The following CPNE4 variants were observed in gnomAD, a reference collection of about 807,000 sequenced individuals.
CPNE4 encodes copine 4, also known as copine-4.
In CPNE4, 25 loss-of-function variants were observed where a neutral mutation model predicts 67.9. The ratio of observed to expected loss-of-function variants is 0.37; its 90% CI spans 0.27 to 0.51. The LOEUF is 0.51. Ranked by LOEUF, CPNE4 falls within the 20% of genes least tolerant of loss-of-function variation. The probability of loss-of-function intolerance (pLI) is 0.93; values close to 1 mark genes in which losing one functional copy is unlikely to be tolerated. For synonymous variants in CPNE4, 242 were observed against 244.9 expected (o/e 0.99, Z 0.11); for missense variants, 464 against 690.8 (o/e 0.67, Z 3.68).
chr3:132,014,456 G>A (rs965643340), intron 1 of CPNE4, among the ~76,000 whole-genome samples: 1 of 152,192 alleles, frequency 6.6e-6, no homozygotes, highest in East Asian at 1.9e-4. Flanking sequence ...AGGAGGGAAA[G>A]AAAGAGGCAC....
chr3:131,546,543 C>T (rs1041699579), intron 14 of CPNE4, among the ~76,000 whole-genome samples: 5 of 152,144 alleles, frequency 3.3e-5, no homozygotes, highest in Admixed American at 2.0e-4. Context: ...GGAGAAACCT[C>T]TGGGGAAAAG....
chr3:131,743,068 G>T (rs140476659), intron 2 of CPNE4, among the ~76,000 whole-genome samples: 1 of 152,138 alleles, frequency 6.6e-6, no homozygotes, highest in East Asian at 1.9e-4. Flanking sequence ...TTTAGGAGGT[G>T]GTTCTTTAAT....
At chr3:132,015,361 T>C (rs2073866099) in intron 1 of CPNE4, among the ~76,000 whole-genome samples, 1 of 152,298 alleles carries the variant, frequency 6.6e-6, no homozygotes, top group South Asian at 2.1e-4. Flanking sequence ...CCAGCAGGCA[T>C]ATCTTCCCCC....
intron 1 of CPNE4, among the ~76,000 whole-genome samples, chr3:132,019,603 G>A (rs143346739): frequency 2.0e-4 from 30 of 152,026 alleles, no homozygotes; most frequent in African/African-American, 6.3e-4. Flanking sequence ...AATAATAAAG[G>A]CAACTGATAA....
intron 2 of CPNE4, among the ~76,000 whole-genome samples, chr3:131,780,780 G>A (rs536369135): frequency 1.3e-5 from 2 of 152,102 alleles, no homozygotes; most frequent in East Asian, 3.9e-4. Flanking sequence ...AAACCCCCAT[G>A]ACATGTGATT....
At chr3:131,604,774 A>G (rs1403359715) in intron 7 of CPNE4, among the ~76,000 whole-genome samples, 1 of 151,946 alleles carries the variant, frequency 6.6e-6, no homozygotes. Context: ...CTTTATATAT[A>G]TATATCTAGT....
intron 2 of CPNE4, among the ~76,000 whole-genome samples, chr3:131,793,717 T>C (rs894504753): frequency 7.9e-5 from 12 of 152,220 alleles, no homozygotes; most frequent in African/African-American, 2.9e-4. Context: ...GATTGGCACA[T>C]TGGCTGGCTC....
At chr3:131,986,365 G>A (rs1199487302) in intron 1 of CPNE4, among the ~76,000 whole-genome samples, 1 of 152,118 alleles carries the variant, frequency 6.6e-6, no homozygotes, top group South Asian at 2.1e-4. Flanking sequence ...CACACAATCT[G>A]CCCTCACAAG....
intron 1 of CPNE4, among the ~76,000 whole-genome samples, chr3:131,931,657 G>A (rs1333868689): frequency 1.3e-5 from 2 of 151,860 alleles, no homozygotes; most frequent in Non-Finnish European, 2.9e-5. Context: ...TTTCATCCCT[G>A]TCTTTGTTTT....
chr3:131,796,244 C>T (rs936674141), intron 2 of CPNE4, among the ~76,000 whole-genome samples: 1 of 152,032 alleles, frequency 6.6e-6, no homozygotes, highest in African/African-American at 2.4e-5. Context: ...GAGAAGACTT[C>T]TGCCACATTA....
At position 131,769,547 on chromosome 3, in the gene CPNE4, G is replaced by A. The variant is rs17294965; in HGVS notation, c.181-45922C>T. 9.1e-4 allele frequency among the ~76,000 whole-genome samples: 139 copies of A among 152,120 alleles called. No individual in the cohort carries two copies. In the South Asian group the frequency reaches 0.018, roughly 20 times the overall value. ...AAATGATTACCTGACACTTCAAGCC[G>A]CAGTGATGATAACCTGTATAGGAGG... is the stretch of plus-strand genomic sequence containing the variant. On this transcript the variant is annotated intron_variant, in intron 2 of 15. Coordinates refer to ENST00000429747, the MANE Select transcript of CPNE4 (RefSeq NM_130808.3).
chr3:132,006,632 A>C (rs1231476293), intron 1 of CPNE4, among the ~76,000 whole-genome samples: 2 of 147,732 alleles, frequency 1.4e-5, no homozygotes, highest in Non-Finnish European at 3.0e-5. Context: ...TATTTCTTTA[A>C]CCTGACATAA....
intron 2 of CPNE4, among the ~76,000 whole-genome samples, chr3:131,792,379 C>T (rs1012560581): frequency 1.3e-5 from 2 of 151,770 alleles, no homozygotes; most frequent in Non-Finnish European, 2.9e-5. Flanking sequence ...AAAGTGCTTA[C>T]TTGCCTTGGA....
chr3:131,751,888 T>G (rs1471949597), intron 2 of CPNE4, among the ~76,000 whole-genome samples: 1 of 152,062 alleles, frequency 6.6e-6, no homozygotes, highest in Non-Finnish European at 1.5e-5. Flanking sequence ...TGGCCTCCAT[T>G]GACAGCCAAA....
chr3:132,015,985 T>C (rs918932171), intron 1 of CPNE4, among the ~76,000 whole-genome samples: 1 of 152,256 alleles, frequency 6.6e-6, no homozygotes, highest in Admixed American at 6.5e-5. Flanking sequence ...CTTATAACCA[T>C]ACATTTGCTA....
chr3:131,725,199 A>G (rs1178243511), intron 2 of CPNE4, among the ~76,000 whole-genome samples: 1 of 152,258 alleles, frequency 6.6e-6, no homozygotes, highest in Non-Finnish European at 1.5e-5. Context: ...GTTGCCTAGC[A>G]AAGAAAATCT....
At chr3:131,756,875 G>C (rs35682399) in intron 2 of CPNE4, among the ~76,000 whole-genome samples, 1 of 151,982 alleles carries the variant, frequency 6.6e-6, no homozygotes, top group African/African-American at 2.4e-5. Context: ...TGCTGTTCTC[G>C]TGATAGTGAA....
At chr3:131,799,927 G>GT (rs879655574) in intron 2 of CPNE4, among the ~76,000 whole-genome samples, 998 of 81,234 alleles carry the variant, frequency 0.012, 17 homozygotes, top group East Asian at 0.064. Context: ...TGTTGTGTGT[G>GT]TGTGTGTGTG....
intron 1 of CPNE4, among the ~76,000 whole-genome samples, chr3:131,954,102 G>C (rs1218543223): frequency 1.3e-5 from 2 of 152,028 alleles, no homozygotes; most frequent in Admixed American, 1.3e-4. Context: ...AGGATTTGTA[G>C]AAAAGGAGAG....
Sources: gnomAD v4.1 joint callset for allele counts (sites outside exome capture counted in the v4.1 genomes callset) on GRCh38, gnomAD v4.1.1 for gene constraint, MANE v1.5 for transcripts, NCBI Gene and HGNC (gene_info 2026-07-23, HGNC 2026-07-21) for gene names.